The following SAMMSON variants were observed in gnomAD, a reference collection of about 807,000 sequenced individuals.
The protein encoded by SAMMSON is survival associated mitochondrial melanoma specific oncogenic non-coding RNA, also known as long intergenic non-protein coding RNA 1212.
chr3:70,209,444 C>G (rs2106726905), intron 4 of SAMMSON, among the ~76,000 whole-genome samples: 1 of 152,108 alleles, frequency 6.6e-6, no homozygotes, highest in African/African-American at 2.4e-5. Flanking sequence ...GCTTATATAC[C>G]TTATTGAACT....
chr3:70,303,180 C>T (rs1038323905), intron 7 of SAMMSON, among the ~76,000 whole-genome samples: 8 of 152,094 alleles, frequency 5.3e-5, no homozygotes, highest in African/African-American at 1.4e-4. Flanking sequence ...TTGCTACTGG[C>T]TCTTAGAGTA....
At chr3:70,299,268 C>T (rs1263851617) in intron 7 of SAMMSON, among the ~76,000 whole-genome samples, 2 of 152,142 alleles carry the variant, frequency 1.3e-5, no homozygotes, top group African/African-American at 4.8e-5. Flanking sequence ...ATCATCAAAA[C>T]ATGCTATTAA....
At chr3:70,389,561 T>C (rs1701026827) in intron 9 of SAMMSON, 1 of 152,184 alleles carries the variant, frequency 6.6e-6, no homozygotes, top group Non-Finnish European at 1.5e-5. Flanking sequence ...CTTCCCTCCC[T>C]GTTTACTCAC....
intron 4 of SAMMSON, among the ~76,000 whole-genome samples, chr3:70,168,494 T>TA (rs1352098282): frequency 1.3e-5 from 2 of 152,084 alleles, no homozygotes; most frequent in East Asian, 3.9e-4. Flanking sequence ...GTACTAATGC[T>TA]AAGAATGGAT....
At chr3:70,196,872 T>C (rs36049168) in intron 4 of SAMMSON, 216,339 of 397,874 alleles carry the variant, frequency 0.54, 62,472 homozygotes, top group Non-Finnish European at 0.6. Context: ...CTTGTTGTAA[T>C]GGAATTTCCC....
chr3:70,058,216 A>G (rs1219354037), intron 3 of SAMMSON, among the ~76,000 whole-genome samples: 1 of 151,988 alleles, frequency 6.6e-6, no homozygotes, highest in Non-Finnish European at 1.5e-5. Context: ...ACAGAGGTAA[A>G]CAGTTCTCAC....
chr3:70,315,699 G>A (rs1702489059), intron 7 of SAMMSON, among the ~76,000 whole-genome samples: 1 of 151,982 alleles, frequency 6.6e-6, no homozygotes, highest in Non-Finnish European at 1.5e-5. Context: ...TCTTGAGATG[G>A]GCTGGGCCTT....
chr3:70,018,516 CT>C (rs1375920278), intron 3 of SAMMSON, among the ~76,000 whole-genome samples: 1 of 152,084 alleles, frequency 6.6e-6, no homozygotes, highest in Non-Finnish European at 1.5e-5. Flanking sequence ...TTTTGTTGAT[CT>C]TTTCAAAAAA....
At chr3:70,240,703 G>A (rs1701659220) in intron 4 of SAMMSON, among the ~76,000 whole-genome samples, 1 of 151,964 alleles carries the variant, frequency 6.6e-6, no homozygotes, top group South Asian at 2.1e-4. Flanking sequence ...TTTTTCACCT[G>A]GCTAAACATG....
At chr3:70,017,588 C>G (rs186616994) in intron 3 of SAMMSON, among the ~76,000 whole-genome samples, 8 of 152,246 alleles carry the variant, frequency 5.3e-5, no homozygotes, top group African/African-American at 1.9e-4. Context: ...CTTCTCCTTC[C>G]TGATTGCCCT....
At chr3:70,098,732 A>G (rs1364936172) in intron 4 of SAMMSON, among the ~76,000 whole-genome samples, 2 of 152,134 alleles carry the variant, frequency 1.3e-5, no homozygotes, top group African/African-American at 4.8e-5. Context: ...AGGATAGTAC[A>G]ATGTATTCCT....
At chr3:70,344,379 T>A (rs1437814685) in intron 7 of SAMMSON, among the ~76,000 whole-genome samples, 1 of 152,090 alleles carries the variant, frequency 6.6e-6, no homozygotes, top group East Asian at 1.9e-4. Flanking sequence ...GATTGGCCAC[T>A]GGATGGTCAA....
chr3:70,403,180 G>A (rs1701154331), intron 2 of SAMMSON, among the ~76,000 whole-genome samples: 1 of 152,136 alleles, frequency 6.6e-6, no homozygotes, highest in Non-Finnish European at 1.5e-5. Context: ...AAGAGTTTGT[G>A]TGCCCACCCA....
chr3:70,094,200 C>G (rs2067315242), intron 4 of SAMMSON, among the ~76,000 whole-genome samples: 1 of 152,164 alleles, frequency 6.6e-6, no homozygotes, highest in Non-Finnish European at 1.5e-5. Context: ...ATCATGCCTG[C>G]TGCTCTCCAT....
At chr3:70,199,434 T>C (rs1701214062) in intron 4 of SAMMSON, among the ~76,000 whole-genome samples, 1 of 152,214 alleles carries the variant, frequency 6.6e-6, no homozygotes, top group Non-Finnish European at 1.5e-5. Context: ...TGTTTCCTTC[T>C]ACCTCCCTAT....
intron 4 of SAMMSON, among the ~76,000 whole-genome samples, chr3:70,146,729 A>G (rs2067550562): frequency 6.6e-6 from 1 of 152,048 alleles, no homozygotes; most frequent in African/African-American, 2.4e-5. Context: ...TGTCTTATAG[A>G]GAAATGTTCT....
intron 6 of SAMMSON, among the ~76,000 whole-genome samples, chr3:70,255,478 G>C (rs888174655): frequency 3.9e-5 from 6 of 152,170 alleles, no homozygotes; most frequent in African/African-American, 1.4e-4. Flanking sequence ...TGCCCAGGCA[G>C]TGGTATGAGC....
At chr3:70,271,100 G>T (rs763280834) in intron 6 of SAMMSON, among the ~76,000 whole-genome samples, 62 of 152,116 alleles carry the variant, frequency 4.1e-4, no homozygotes, top group Non-Finnish European at 6.6e-4. Context: ...TATCGAAGCT[G>T]GGAAGTTGTA....
At chr3:70,148,634 G>A (rs1020298709) in intron 4 of SAMMSON, among the ~76,000 whole-genome samples, 14 of 152,002 alleles carry the variant, frequency 9.2e-5, no homozygotes, top group African/African-American at 2.9e-4. Context: ...AGATCATATG[G>A]CCAGAGAGGA....
Sources: gnomAD v4.1 joint callset for allele counts (sites outside exome capture counted in the v4.1 genomes callset) on GRCh38, gnomAD v4.1.1 for gene constraint, MANE v1.5 for transcripts, NCBI Gene and HGNC (gene_info 2026-07-23, HGNC 2026-07-21) for gene names.